C4orf51: variants seen among roughly 807,000 people sequenced by gnomAD.
C4orf51 encodes chromosome 4 open reading frame 51.
A neutral mutation model predicts 25.2 loss-of-function variants in C4orf51; 25 were observed. The ratio of observed to expected loss-of-function variants is 0.99; its 90% confidence interval spans 0.72 to 1.39. The LOEUF (loss-of-function observed/expected upper bound fraction) is 1.39. Ranked by LOEUF, C4orf51 falls within the 40% of genes most tolerant of loss-of-function variation. C4orf51 has a pLI of 0.00. For synonymous variants in C4orf51, 100 were observed against 84.5 expected (o/e 1.18, Z -1.01); for missense variants, 252 against 239.6 (o/e 1.05, Z -0.34).
Position 145,765,041 on chromosome 4 carries a change from G to C in C4orf51, n.167-5947G>C. ...ATTTCTTATGCTCCAGCAGCTGTTC[G>C]GGGGTCTTCATGAACTTGTGGCACA... On this transcript the variant is annotated intron_variant and non_coding_transcript_variant, in intron 1 of 1. Coordinates refer to the C4orf51 transcript ENST00000510096. The surrounding 1 kb of genome is among the most constrained non-coding windows in gnomAD (Gnocchi z 4.7). 1 of 1,614,158 alleles carries C rather than the reference G, an allele frequency of 6.2e-7. No individual in the cohort carries two copies. Among genetic ancestry groups the C allele is most frequent in the Non-Finnish European group, 8.5e-7 (1 of 1,180,032 alleles).
downstream of C4orf51, among the ~76,000 whole-genome samples, chr4:145,754,744 G>C: frequency 6.6e-6 from 1 of 152,164 alleles, no homozygotes; most frequent in African/African-American, 2.4e-5. Context: ...AGACTGGCCT[G>C]GCCAACATGG....
chr4:145,729,850 T>G (rs756638452), intron 4 of C4orf51, 42 bp from the exon 5 acceptor site: 1 of 1,543,112 alleles, frequency 6.5e-7, no homozygotes, highest in Admixed American at 1.7e-5. Context: ...GTAGACTCTC[T>G]TTATCGCAAA....
At position 145,765,474 on chromosome 4, in the gene C4orf51, C is replaced by T. The variant is rs780092220; in HGVS notation, n.167-5514C>T. On this transcript the variant is annotated intron_variant and non_coding_transcript_variant, in intron 1 of 1. Transcript: ENST00000510096. The surrounding 1 kb of genome is among the most constrained non-coding windows in gnomAD (Gnocchi z 4.7). ...ATCAGTTTTTGACATCGCTCCTGTG[C>T]AGGGCTTATTCTCAAGAATGGGTCA... 1 of 1,515,662 alleles carries T rather than the reference C, an allele frequency of 6.6e-7. No individual in the cohort carries two copies. Among genetic ancestry groups the T allele is most frequent in the Non-Finnish European group, 8.9e-7 (1 of 1,126,478 alleles). 93.9% of individuals were successfully genotyped at this position (1,515,662 alleles called of 1,614,324 possible). A position where few individuals can be genotyped will look rare whatever the true frequency, so the allele number is the denominator to read the frequency against.
downstream of C4orf51, chr4:145,759,222 A>G (rs1411206891): frequency 6.6e-6 from 1 of 152,230 alleles, no homozygotes; most frequent in Non-Finnish European, 1.5e-5. Context: ...CCTGTTTCAT[A>G]CTGGAAATTC....
In C4orf51 at chr4:145,729,244, G is replaced by A. The variant is rs2126768909; in HGVS notation, c.427+15G>A. On this transcript the variant is annotated intron_variant, in intron 4 of 5. Transcript: ENST00000438731. ...TGGAAAATACTGTAAGTCCCATCCT[G>A]AACTACTACTTTACATCCATTTTCT... 2.0e-6 allele frequency: 3 copies of A among 1,530,410 alleles called. No homozygotes were observed. Among genetic ancestry groups the A allele is most frequent in the Non-Finnish European group, 1.8e-6 (2 of 1,115,100 alleles). 94.8% of individuals were successfully genotyped at this position (1,530,410 alleles called of 1,614,324 possible).
chr4:145,778,176 C>G, the C4orf51 span, among the ~76,000 whole-genome samples: 1 of 152,146 alleles, frequency 6.6e-6, no homozygotes, highest in Admixed American at 6.5e-5. Flanking sequence ...TCTTGTCACT[C>G]AGGCTGGAGT....
intron 1 of C4orf51, among the ~76,000 whole-genome samples, chr4:145,681,105 T>C (rs1728812833): frequency 6.6e-6 from 1 of 152,142 alleles, no homozygotes; most frequent in Non-Finnish European, 1.5e-5. Context: ...AAAGAACCAT[T>C]TAGCCCCAAG....
At chr4:145,710,956 A>C (rs1026903543) in intron 2 of C4orf51, among the ~76,000 whole-genome samples, 1 of 152,048 alleles carries the variant, frequency 6.6e-6, no homozygotes, top group African/African-American at 2.4e-5. Flanking sequence ...AAGTAATTAG[A>C]TTTTCCTATT....
chr4:145,705,852 A>T (rs1730775412), intron 2 of C4orf51, among the ~76,000 whole-genome samples: 1 of 152,200 alleles, frequency 6.6e-6, no homozygotes, highest in African/African-American at 2.4e-5. Flanking sequence ...GGGGGTGATG[A>T]TAGCTCCAAA....
At chr4:145,774,392 T>C, downstream of C4orf51, 2 of 1,191,690 alleles carry the variant, frequency 1.7e-6, no homozygotes, top group South Asian at 1.5e-5. Context: ...CTTCCTTCCA[T>C]GGAAGGAAAA....
intron 2 of C4orf51, among the ~76,000 whole-genome samples, chr4:145,701,167 C>G (rs1009454452): frequency 6.6e-6 from 1 of 151,606 alleles, no homozygotes. Context: ...ACATTAAACT[C>G]CAAAAATTAG....
downstream of C4orf51, among the ~76,000 whole-genome samples, chr4:145,737,302 T>C (rs1179344578): frequency 6.6e-6 from 1 of 152,204 alleles, no homozygotes; most frequent in Non-Finnish European, 1.5e-5. Flanking sequence ...GTAGGTCCTG[T>C]GATTCTAGCT....
At chr4:145,775,985 G>A (rs1737017020), downstream of C4orf51, 5 of 1,613,628 alleles carry the variant, frequency 3.1e-6, no homozygotes, top group African/African-American at 2.7e-5. Context: ...ACAGGAAAAA[G>A]CCCAAATCGC....
chr4:145,748,137 CTT>C (rs1379049195), intron 1 of C4orf51, among the ~76,000 whole-genome samples: 1 of 151,882 alleles, frequency 6.6e-6, no homozygotes, highest in Non-Finnish European at 1.5e-5. Flanking sequence ...GCATCTAGAA[CTT>C]TATCCATTTC....
In C4orf51 at chr4:145,761,005, T is replaced by C; in HGVS notation, n.167-9983T>C. 1 of 1,268,678 alleles carries C rather than the reference T, an allele frequency of 7.9e-7. No homozygotes were observed. The highest frequency in any genetic ancestry group is 1.0e-6 in the Non-Finnish European group (1 of 977,358). The allele number at this position is 1,268,678 out of a possible 1,614,324, so 78.6% of individuals were successfully genotyped here. ...GAAGGCCAAAGCCTTGAGTGCCAGG[T>C]TGGGCTCTGAGCTGCTGCCGTGGGC... On this transcript the variant is annotated intron_variant and non_coding_transcript_variant, in intron 1 of 1. Transcript: ENST00000510096. This position sits in a 1 kb window ranked among gnomAD's most constrained non-coding sequence, Gnocchi z 6.8.
downstream of C4orf51, among the ~76,000 whole-genome samples, chr4:145,755,377 G>A (rs1308241243): frequency 6.6e-6 from 1 of 152,218 alleles, no homozygotes; most frequent in African/African-American, 2.4e-5. Flanking sequence ...ATTTTGAAGT[G>A]TGAATTGAAG....
the C4orf51 span, among the ~76,000 whole-genome samples, chr4:145,780,747 T>C: frequency 2.0e-5 from 3 of 152,222 alleles, no homozygotes; most frequent in Non-Finnish European, 4.4e-5. Context: ...TCACCTCACT[T>C]TGAAGACCAA....
At chr4:145,782,304 T>C in the C4orf51 span, among the ~76,000 whole-genome samples, 1 of 152,146 alleles carries the variant, frequency 6.6e-6, no homozygotes, top group Non-Finnish European at 1.5e-5. Flanking sequence ...GGGAGGAGTA[T>C]TACTGTGGCA....
chr4:145,691,461 T>A (rs147099506), intron 1 of C4orf51, among the ~76,000 whole-genome samples: 325 of 152,308 alleles, frequency 2.1e-3, no homozygotes, highest in African/African-American at 7.6e-3. Context: ...CGAAGGAAAG[T>A]AAATCATTTC....
Sources: gnomAD v4.1 joint callset for allele counts (sites outside exome capture counted in the v4.1 genomes callset) on GRCh38, gnomAD v4.1.1 for gene constraint, Gnocchi (gnomAD v3.1) non-coding constraint, MANE v1.5 for transcripts, NCBI Gene and HGNC (gene_info 2026-07-23, HGNC 2026-07-21) for gene names.